SLC2A9: variants seen among roughly 807,000 people sequenced by gnomAD.
The protein encoded by SLC2A9 is solute carrier family 2, facilitated glucose transporter member 9.
In SLC2A9, 39 loss-of-function variants were observed where a neutral mutation model predicts 50.6. The observed-to-expected ratio is 0.77, with a 90% CI of 0.60 to 1.01. The LOEUF (loss-of-function observed/expected upper bound fraction) is 1.01. Among genes scored for constraint, SLC2A9 ranks in the 50% least tolerant of loss-of-function variants. The probability of loss-of-function intolerance (pLI) is 0.00; values close to 1 mark genes in which losing one functional copy is unlikely to be tolerated. For missense variants in SLC2A9, 686 were observed against 677.6 expected (o/e 1.01, Z -0.14); for synonymous variants, 324 against 276.9 (o/e 1.17, Z -1.69).
intron 5 of SLC2A9, among the ~76,000 whole-genome samples, chr4:9,957,392 G>A (rs1439228657): frequency 6.6e-6 from 1 of 152,176 alleles, no homozygotes; most frequent in African/African-American, 2.4e-5. Context: ...CTTGAGTGAA[G>A]CCTTGTCCCT....
At chr4:9,985,162 T>C (rs1756501054) in intron 4 of SLC2A9, among the ~76,000 whole-genome samples, 1 of 152,132 alleles carries the variant, frequency 6.6e-6, no homozygotes, top group South Asian at 2.1e-4. Context: ...TGCTACTGTC[T>C]ACCTTATGTA....
rs34012301 is a variant in SLC2A9 at position 9,974,520 on chromosome 4, C to CAA, written c.681+6070_681+6071dup. ...ATGCAATCCCATTTATAATAGCTGC[C>CAA]AAAAAAAAAAACTAGGAAATAATTA... On this transcript the variant is annotated intron_variant, in intron 5 of 11. Transcript: ENST00000264784. Among the ~76,000 whole-genome samples, 765 of 144,498 alleles carry CAA rather than the reference C, an allele frequency of 5.3e-3. 8 individuals are homozygous for CAA. Among genetic ancestry groups the CAA allele is most frequent in the East Asian group, 0.03 (151 of 5,024 alleles). The allele number at this position is 144,498 out of a possible 152,430, so 94.8% of individuals were successfully genotyped here. A position where few individuals can be genotyped will look rare whatever the true frequency, so the allele number is the denominator to read the frequency against.
chr4:9,981,064 T>C (rs1011706016), intron 4 of SLC2A9, among the ~76,000 whole-genome samples: 24 of 151,772 alleles, frequency 1.6e-4, no homozygotes, highest in Non-Finnish European at 5.9e-5. Flanking sequence ...GTGATGGTCA[T>C]GATGGTGATG....
chr4:9,890,767 G>C (rs1158270091), intron 8 of SLC2A9, 56 bp from the exon 9 acceptor site: 1 of 1,489,764 alleles, frequency 6.7e-7, no homozygotes, highest in Admixed American at 1.8e-5. Context: ...AACCACAACA[G>C]GGGAATGTGG....
At chr4:9,829,519 G>A (rs969374879) in intron 11 of SLC2A9, among the ~76,000 whole-genome samples, 1 of 150,584 alleles carries the variant, frequency 6.6e-6, no homozygotes, top group African/African-American at 2.4e-5. Flanking sequence ...TGACGAATGG[G>A]ATCTAATTAA....
At chr4:9,826,702 C>A in intron 11 of SLC2A9, 102 bp from the exon 12 acceptor site, 3 of 1,060,522 alleles carry the variant, frequency 2.8e-6, no homozygotes, top group South Asian at 1.3e-5. Flanking sequence ...ATTCATATAC[C>A]AATACTCCTA....
At position 9,838,972 on chromosome 4, in the gene SLC2A9, G is replaced by C. The variant is rs184011340; in HGVS notation, c.1292-3964C>G. 4.6e-3 allele frequency among the ~76,000 whole-genome samples: 697 copies of C among 152,180 alleles called. 7 individuals are homozygous for C. Among genetic ancestry groups the C allele is most frequent in the Non-Finnish European group, 7.9e-3 (538 of 68,000 alleles). On this transcript the variant is annotated intron_variant, in intron 10 of 11. Transcript: ENST00000264784. The stretch of plus-strand genomic sequence containing the variant: ...AGATTTCATGACGAGAACACCAAAA[G>C]CAATTGCAACAAAAGCAAAAATTGA...
At chr4:9,931,204 G>A (rs1351102938) in intron 6 of SLC2A9, among the ~76,000 whole-genome samples, 1 of 152,188 alleles carries the variant, frequency 6.6e-6, no homozygotes, top group Admixed American at 6.5e-5. Context: ...CTGAATGCAT[G>A]TTCCCCACAT....
chr4:9,991,930 G>A (rs1682158027), intron 3 of SLC2A9, among the ~76,000 whole-genome samples: 1 of 152,238 alleles, frequency 6.6e-6, no homozygotes, highest in African/African-American at 2.4e-5. Context: ...GCTAACCAAT[G>A]CATGCTTGCC....
At chr4:9,779,852 G>A (rs1718099907) in exon 4 of SLC2A9, 1 of 152,032 alleles carries the variant, frequency 6.6e-6, no homozygotes, top group Admixed American at 6.5e-5. Context: ...AAGAATGAAT[G>A]ACTGGAATTC....
intron 11 of SLC2A9, among the ~76,000 whole-genome samples, chr4:9,829,055 G>A (rs180841580): frequency 1.3e-5 from 2 of 152,230 alleles, no homozygotes. Context: ...TTTTCCCAAG[G>A]GACCTGATGG....
At chr4:10,012,382 A>G (rs1429958764) in intron 2 of SLC2A9, among the ~76,000 whole-genome samples, 1 of 152,228 alleles carries the variant, frequency 6.6e-6, no homozygotes, top group African/African-American at 2.4e-5. Context: ...CTCACTTTAA[A>G]TTTAAATTTA....
chr4:10,015,995 G>A (rs1168549778), intron 2 of SLC2A9, among the ~76,000 whole-genome samples: 1 of 152,220 alleles, frequency 6.6e-6, no homozygotes, highest in Admixed American at 6.5e-5. Flanking sequence ...CCCAGGCCGT[G>A]GATCTGGGCA....
intron 10 of SLC2A9, among the ~76,000 whole-genome samples, chr4:9,844,390 TTC>T (rs1379651313): frequency 6.6e-6 from 1 of 152,188 alleles, no homozygotes; most frequent in East Asian, 1.9e-4. Context: ...ATTTAAAAAA[TTC>T]TGTAGATATC....
chr4:9,996,561 TC>T (rs1029702035), intron 3 of SLC2A9, among the ~76,000 whole-genome samples: 5 of 150,392 alleles, frequency 3.3e-5, no homozygotes, highest in African/African-American at 1.2e-4. Context: ...CACAGCCCAG[TC>T]CCTATACGCT....
At chr4:9,794,257 C>T (rs1243708884), downstream of SLC2A9, among the ~76,000 whole-genome samples, 14 of 152,096 alleles carry the variant, frequency 9.2e-5, no homozygotes, top group Middle Eastern at 3.4e-3. Flanking sequence ...TGGTTTCAAG[C>T]GATTCTCCTG....
intron 2 of SLC2A9, among the ~76,000 whole-genome samples, chr4:10,015,555 G>A (rs1762480452): frequency 6.6e-6 from 1 of 152,210 alleles, no homozygotes; most frequent in Non-Finnish European, 1.5e-5. Context: ...TAACCCCGAT[G>A]TGATGGTATT....
chr4:10,018,565 T>C (rs550224713), intron 2 of SLC2A9, among the ~76,000 whole-genome samples: 177 of 150,484 alleles, frequency 1.2e-3, no homozygotes, highest in African/African-American at 3.7e-3. Context: ...GATAGATAGA[T>C]AGATAGATAG....
intron 7 of SLC2A9, among the ~76,000 whole-genome samples, chr4:9,916,498 T>C (rs1478823471): frequency 6.6e-6 from 1 of 152,202 alleles, no homozygotes; most frequent in African/African-American, 2.4e-5. Context: ...AAAACAATGC[T>C]AGAAACAGTC....
Sources: gnomAD v4.1 joint callset for allele counts (sites outside exome capture counted in the v4.1 genomes callset) on GRCh38, gnomAD v4.1.1 for gene constraint, MANE v1.5 for transcripts, NCBI Gene and HGNC (gene_info 2026-07-23, HGNC 2026-07-21) for gene names.